The following FNTB variants were observed in gnomAD, a reference collection of about 807,000 sequenced individuals.
FNTB encodes farnesyltransferase, CAAX box, subunit beta.
FNTB carries 27 observed loss-of-function variants against 59.4 expected under a neutral mutation model. That is an observed-to-expected ratio of 0.45 (90% CI 0.34 to 0.63). The LOEUF (loss-of-function observed/expected upper bound fraction) is 0.63. Ranked by LOEUF, FNTB falls within the 20% of genes least tolerant of loss-of-function variation. The pLI is 0.02. For synonymous variants in FNTB, 230 were observed against 220.7 expected, an observed-to-expected ratio of 1.04 and a Z score of -0.37; for missense variants, 449 against 559.6, an observed-to-expected ratio of 0.80 and a Z score of 1.99.
At chr14:64,996,159 A>G (rs1465159850) in intron 1 of FNTB, among the ~76,000 whole-genome samples, 1 of 149,484 alleles carries the variant, frequency 6.7e-6, no homozygotes, top group Non-Finnish European at 1.5e-5. Flanking sequence ...AAAAGAAACA[A>G]CCAAGCCTGG....
chr14:65,018,751 G>A (rs924492836), intron 4 of FNTB, among the ~76,000 whole-genome samples: 6 of 148,200 alleles, frequency 4.0e-5, no homozygotes, highest in Non-Finnish European at 8.9e-5. Context: ...TGGACGTTGC[G>A]ACGAGCCAAG....
chr14:64,993,567 G>C (rs1888283203), intron 1 of FNTB, among the ~76,000 whole-genome samples: 1 of 152,128 alleles, frequency 6.6e-6, no homozygotes, highest in African/African-American at 2.4e-5. Flanking sequence ...TTTTTGAAAA[G>C]TCTTGCCTTA....
rs2062333378 is a variant in FNTB, at chr14:65,040,736, T to A, written c.693-54T>A. The A allele has an allele frequency of 3.8e-6, 6 of 1,584,718 alleles. No individual in the cohort carries two copies. The East Asian group carries it at 1.4e-4, about 36-fold the overall frequency. On this transcript the variant is annotated intron_variant, in intron 7 of 11. Transcript: ENST00000246166. The stretch of plus-strand genomic sequence containing the variant: ...TCTGCCACCTAGGATGGTCCTGGTC[T>A]TGTGTACGTCCACTCACTGGCCACT...
intron 1 of FNTB, 96 bp from the exon 2 acceptor site, chr14:65,004,153 C>A: frequency 7.2e-7 from 1 of 1,393,078 alleles, no homozygotes; most frequent in Non-Finnish European, 1.0e-6. Context: ...ACCAACCAAC[C>A]CTCGCCAATA....
chr14:65,043,857 A>G (rs1041819795), intron 8 of FNTB, among the ~76,000 whole-genome samples: 6 of 147,688 alleles, frequency 4.1e-5, no homozygotes, highest in African/African-American at 1.5e-4. Context: ...AAAAAAAAAA[A>G]AAAGAAATGT....
At position 65,014,826 on chromosome 14, in the gene FNTB, G is replaced by A. The variant is rs56197624; in HGVS notation, c.283-799G>A. On this transcript the variant is annotated intron_variant, in intron 3 of 11. Coordinates refer to ENST00000246166, the MANE Select transcript of FNTB (RefSeq NM_002028.4). This position sits in a 1 kb window ranked among gnomAD's most constrained non-coding sequence, Gnocchi z 5.1. ...GAGACCCTGTCTCAAAAAAATAAAC[G>A]GTAGAAACCAAATTTTATTATCATC... is the stretch of plus-strand genomic sequence containing the variant. 0.12 allele frequency among the ~76,000 whole-genome samples: 18,112 copies of A among 151,938 alleles called. 1,230 individuals are homozygous for A. Among genetic ancestry groups the A allele is most frequent in the Admixed American group, 0.18 (2,792 of 15,240 alleles).
At position 65,034,459 on chromosome 14, in the gene FNTB, A is replaced by G. The variant is rs546343328; in HGVS notation, c.692+1763A>G. Among the ~76,000 whole-genome samples the G allele has an allele frequency of 2.0e-5, 3 of 152,284 alleles. No individual in the cohort carries two copies. The South Asian group carries it at 6.2e-4, about 32-fold the overall frequency. On this transcript the variant is annotated intron_variant, in intron 7 of 11. Transcript: ENST00000246166. ...CTTAATTATTTGGTTAGAGATTTCT[A>G]ACTTGGCAATGGTATAAACTGTAGT...
At position 65,032,749 on chromosome 14, in the gene FNTB, A is replaced by T. The variant is rs1365288639; in HGVS notation, c.692+53A>T. ...CTCTTGGAGAGCAGGCGGTCACGAC[A>T]CTACTTCAGAAAAATAAAGAAAATG... On this transcript the variant is annotated intron_variant, in intron 7 of 11. Coordinates refer to ENST00000246166, the MANE Select transcript of FNTB (RefSeq NM_002028.4). The surrounding 1 kb of genome is among the most constrained non-coding windows in gnomAD (Gnocchi z 5.0). 6.4e-7 allele frequency: 1 copy of T among 1,550,820 alleles called. No homozygotes were observed. Among genetic ancestry groups the T allele is most frequent in the African/African-American group, 1.4e-5 (1 of 72,368 alleles).
In FNTB at chr14:64,986,981, T is replaced by G. The variant is rs768170684; in HGVS notation, c.28T>G (p.Tyr10Asp). MASPSSFTYYCPPSSSPVWS... is the reference protein window; with the variant it reads MASPSSFTYDCPPSSSPVWS... ...GGCTTCTCCGAGTTCTTTCACCTAC[T>G]ATTGCCCTCCATCTTCCTCCCCCGT... The change falls in exon 1 of 12, where the codon TAT (tyrosine) becomes GAT (aspartate). Residue 10 changes from tyrosine to aspartate, a missense_variant. This residue lies in a region of FNTB where 112 missense variants were observed against 80.5 expected (regional missense o/e 1.39). Transcript: ENST00000246166. 6.2e-7 allele frequency: 1 copy of G among 1,614,240 alleles called. No individual in the cohort carries two copies. Among genetic ancestry groups the G allele is most frequent in the African/African-American group, 1.3e-5 (1 of 75,072 alleles).
At chr14:65,015,867 G>A in intron 4 of FNTB, 151 bp downstream of exon 4, 1 of 779,212 alleles carries the variant, frequency 1.3e-6, no homozygotes, top group Middle Eastern at 3.2e-4. Context: ...GCAACTTCCT[G>A]AAACTCCTCC....
At chr14:65,050,322 G>T (rs774431497) in intron 9 of FNTB, among the ~76,000 whole-genome samples, 1 of 152,206 alleles carries the variant, frequency 6.6e-6, no homozygotes, top group Non-Finnish European at 1.5e-5. Flanking sequence ...CTGGCCGGGC[G>T]TGGTGGCTCA....
rs1491301096 is a variant in FNTB, at chr14:65,031,980, G to GTGTGTGTA, written c.606-623_606-622insATGTGTGT. Among the ~76,000 whole-genome samples the GTGTGTGTA allele has an allele frequency of 3.5e-5, 1 of 28,918 alleles. No homozygotes were observed. The highest frequency in any genetic ancestry group is 2.4e-4 in the African/African-American group (1 of 4,110). The allele number at this position is 28,918 out of a possible 152,430, so 19.0% of individuals were successfully genotyped here. On this transcript the variant is annotated intron_variant, in intron 6 of 11. Transcript: ENST00000246166. This position sits in a 1 kb window ranked among gnomAD's most constrained non-coding sequence, Gnocchi z 4.6. ...TAGACGTGCGCCTTTTTCATTTAACGTGTGTGTGTGTGTGTGTGTGTGTGT... is the reference window on the plus strand; with the variant it reads ...TAGACGTGCGCCTTTTTCATTTAACGTGTGTGTATGTGTGTGTGTGTGTGTGTGTGTGT...
chr14:65,058,222 GT>G (rs984712073), intron 11 of FNTB, among the ~76,000 whole-genome samples: 7 of 139,782 alleles, frequency 5.0e-5, no homozygotes, highest in Middle Eastern at 7.8e-3. Flanking sequence ...GTCTTTCAGT[GT>G]TTTTTTTATA....
rs1888168233 is a variant in FNTB at position 64,990,771 on chromosome 14, G to A, written c.144+3674G>A. Among the ~76,000 whole-genome samples the A allele has an allele frequency of 6.6e-6, 1 of 152,192 alleles. No individual in the cohort carries two copies. Among genetic ancestry groups the A allele is most frequent in the Non-Finnish European group, 1.5e-5 (1 of 68,026 alleles). On this transcript the variant is annotated intron_variant, in intron 1 of 11. Coordinates refer to ENST00000246166, the MANE Select transcript of FNTB (RefSeq NM_002028.4). The surrounding 1 kb of genome is among the most constrained non-coding windows in gnomAD (Gnocchi z 5.2). ...GTTACTGTCAAGAGTAGATGGTGGG[G>A]AGTGAGGGTGGATACAGGGAAACCA...
chr14:65,059,331 C>A (rs957575050), intron 11 of FNTB, among the ~76,000 whole-genome samples: 5 of 151,894 alleles, frequency 3.3e-5, no homozygotes, highest in Middle Eastern at 3.4e-3. Context: ...CCGCACTAGC[C>A]CCTTTTTTTT....
chr14:65,021,970 C>T (rs762421565), intron 4 of FNTB: 9 of 455,992 alleles, frequency 2.0e-5, no homozygotes, highest in South Asian at 1.4e-4. Flanking sequence ...TTCGACCTGA[C>T]CATTCTTCCA....
chr14:65,022,007 G>C (rs747129875), intron 4 of FNTB: 3 of 455,874 alleles, frequency 6.6e-6, no homozygotes, highest in African/African-American at 6.0e-5. Flanking sequence ...GAGACTTGCC[G>C]GTGCTTGATG....
At chr14:64,993,388 C>G in intron 1 of FNTB, among the ~76,000 whole-genome samples, 1 of 152,240 alleles carries the variant, frequency 6.6e-6, no homozygotes, top group East Asian at 1.9e-4. Context: ...TCTTGTTTCA[C>G]TGATTACCAT....
chr14:65,024,614 T>C (rs1462386831), intron 4 of FNTB, among the ~76,000 whole-genome samples: 2 of 152,050 alleles, frequency 1.3e-5, no homozygotes, highest in African/African-American at 4.8e-5. Context: ...TAAAGAAAAT[T>C]GATGTATTGC....
Sources: gnomAD v4.1 joint callset for allele counts (sites outside exome capture counted in the v4.1 genomes callset) on GRCh38, gnomAD v4.1.1 for gene constraint, gnomAD v4.1.1 regional missense constraint, Gnocchi (gnomAD v3.1) non-coding constraint, MANE v1.5 for transcripts, NCBI Gene and HGNC (gene_info 2026-07-23, HGNC 2026-07-21) for gene names.